The following CTNND2 variants were observed in gnomAD, a reference collection of about 807,000 sequenced individuals.
CTNND2 encodes catenin delta-2.
A neutral mutation model predicts 144.4 loss-of-function variants in CTNND2; 22 were observed. That is an observed-to-expected ratio of 0.15 (90% CI 0.11 to 0.22). The LOEUF (loss-of-function observed/expected upper bound fraction) is 0.22, where lower values mean the gene tolerates loss of function less well. CTNND2 is among the 10% of genes least tolerant of loss of function. The pLI, the probability that CTNND2 is intolerant of heterozygous loss-of-function variation, is 1.00. For missense variants in CTNND2, 1,353 were observed against 1,618.8 expected, an observed-to-expected ratio of 0.84 and a Z score of 2.82; for synonymous variants, 751 against 695.6, an observed-to-expected ratio of 1.08 and a Z score of -1.25.
intron 11 of CTNND2, among the ~76,000 whole-genome samples, chr5:11,175,953 C>A (rs1760441799): frequency 1.3e-5 from 2 of 152,164 alleles, no homozygotes; most frequent in Admixed American, 1.3e-4. Context: ...CATGCGCATT[C>A]CTTTTAATTA....
chr5:11,364,953 C>G, intron 7 of CTNND2, 63 bp from the exon 8 acceptor site: 1 of 1,415,566 alleles, frequency 7.1e-7, no homozygotes, highest in Non-Finnish European at 9.7e-7. Context: ...CTTGTTTAAT[C>G]AAAGACATAT....
intron 10 of CTNND2, among the ~76,000 whole-genome samples, chr5:11,220,264 C>A (rs1415976116): frequency 6.6e-6 from 1 of 152,030 alleles, no homozygotes; most frequent in African/African-American, 2.4e-5. Flanking sequence ...GTCTCATTCC[C>A]CAGTGAAGAG....
At chr5:11,167,798 G>A (rs1759493128) in intron 11 of CTNND2, among the ~76,000 whole-genome samples, 1 of 149,828 alleles carries the variant, frequency 6.7e-6, no homozygotes, top group African/African-American at 2.5e-5. Context: ...TCAACCTCCT[G>A]AGCCCAAGTG....
At chr5:11,654,130 T>G (rs1157003740) in intron 2 of CTNND2, among the ~76,000 whole-genome samples, 1 of 152,082 alleles carries the variant, frequency 6.6e-6, no homozygotes, top group Admixed American at 6.6e-5. Context: ...CCATATTATT[T>G]TAATTATTAT....
At chr5:11,232,010 C>T (rs527711142) in intron 10 of CTNND2, among the ~76,000 whole-genome samples, 2 of 152,340 alleles carry the variant, frequency 1.3e-5, no homozygotes, top group South Asian at 2.1e-4. Flanking sequence ...AGGGTGTGAG[C>T]CCCAAGCCTT....
chr5:10,993,480 A>AT (rs1257656628), intron 18 of CTNND2, among the ~76,000 whole-genome samples: 3 of 152,132 alleles, frequency 2.0e-5, no homozygotes, highest in Admixed American at 6.5e-5. Flanking sequence ...AATAGATTTT[A>AT]TTTTTATCAA....
chr5:11,035,601 C>A (rs1743983582), intron 16 of CTNND2, among the ~76,000 whole-genome samples: 1 of 152,198 alleles, frequency 6.6e-6, no homozygotes, highest in Non-Finnish European at 1.5e-5. Flanking sequence ...CTCTGGACAT[C>A]TTTGGGAGGA....
intron 17 of CTNND2, among the ~76,000 whole-genome samples, 178 bp from the exon 18 acceptor site, chr5:11,018,236 C>T (rs1025357569): frequency 6.6e-6 from 1 of 152,148 alleles, no homozygotes; most frequent in Non-Finnish European, 1.5e-5. Context: ...CTGCACCCAC[C>T]TAAGACAGCA....
intron 1 of CTNND2, among the ~76,000 whole-genome samples, chr5:11,851,296 T>C (rs556514116): frequency 9.2e-5 from 14 of 152,328 alleles, no homozygotes; most frequent in African/African-American, 3.1e-4. Context: ...TGAGTGTATA[T>C]GTGTTCTGTT....
chr5:11,312,537 G>A (rs1287940102), intron 9 of CTNND2, among the ~76,000 whole-genome samples: 20 of 152,026 alleles, frequency 1.3e-4, no homozygotes, highest in East Asian at 3.9e-4. Flanking sequence ...GGGAAAGACC[G>A]GCCCCCATGA....
At chr5:10,996,131 G>A (rs1195486876) in intron 18 of CTNND2, among the ~76,000 whole-genome samples, 2 of 152,176 alleles carry the variant, frequency 1.3e-5, no homozygotes, top group East Asian at 3.9e-4. Flanking sequence ...CAGCATCCGT[G>A]TGTGCCTCTC....
chr5:11,128,786 A>ATT (rs1205717801), intron 12 of CTNND2, among the ~76,000 whole-genome samples: 1 of 41,186 alleles, frequency 2.4e-5, no homozygotes, highest in Non-Finnish European at 4.5e-5. Flanking sequence ...TAAAATATAT[A>ATT]AATATATATT....
intron 2 of CTNND2, among the ~76,000 whole-genome samples, chr5:11,632,349 G>A (rs1781455356): frequency 6.6e-6 from 1 of 152,132 alleles, no homozygotes; most frequent in African/African-American, 2.4e-5. Flanking sequence ...GTGAGGAGGA[G>A]GACATTAAGG....
chr5:11,622,661 G>T (rs140447010), intron 2 of CTNND2, among the ~76,000 whole-genome samples: 1 of 152,164 alleles, frequency 6.6e-6, no homozygotes, highest in Non-Finnish European at 1.5e-5. Context: ...ATCTTACAGA[G>T]GCAAATCTGC....
At chr5:11,604,390 C>T (rs1174966987) in intron 2 of CTNND2, among the ~76,000 whole-genome samples, 6 of 152,126 alleles carry the variant, frequency 3.9e-5, no homozygotes, top group Non-Finnish European at 7.3e-5. Flanking sequence ...AAACATTCAC[C>T]GTGGAAAGGA....
intron 7 of CTNND2, among the ~76,000 whole-genome samples, chr5:11,373,165 G>C (rs1235379783): frequency 6.6e-6 from 1 of 152,230 alleles, no homozygotes; most frequent in Non-Finnish European, 1.5e-5. Flanking sequence ...CCCACACCAG[G>C]GGGACTTCAA....
intron 12 of CTNND2, among the ~76,000 whole-genome samples, chr5:11,158,005 A>G (rs753796618): frequency 2.6e-5 from 4 of 152,210 alleles, no homozygotes; most frequent in Non-Finnish European, 4.4e-5. Context: ...TCATCAAAGG[A>G]TGTCAAATGT....
At chr5:11,525,773 A>G (rs1561514301) in intron 3 of CTNND2, among the ~76,000 whole-genome samples, 1 of 152,198 alleles carries the variant, frequency 6.6e-6, no homozygotes, top group Non-Finnish European at 1.5e-5. Context: ...GGTGTGTGTG[A>G]AAGGTGCAGC....
intron 3 of CTNND2, among the ~76,000 whole-genome samples, chr5:11,476,367 C>A (rs1767744463): frequency 6.6e-6 from 1 of 152,104 alleles, no homozygotes; most frequent in Non-Finnish European, 1.5e-5. Flanking sequence ...GAGTTATATG[C>A]ACGATTTCAC....
Sources: gnomAD v4.1 joint callset for allele counts (sites outside exome capture counted in the v4.1 genomes callset) on GRCh38, gnomAD v4.1.1 for gene constraint, MANE v1.5 for transcripts, NCBI Gene and HGNC (gene_info 2026-07-23, HGNC 2026-07-21) for gene names.